ASAP2: variants seen among roughly 807,000 people sequenced by gnomAD.
The protein encoded by ASAP2 is ArfGAP with SH3 domain, ankyrin repeat and PH domain 2.
ASAP2 carries 45 observed loss-of-function variants against 131.4 expected under a neutral mutation model. That is an observed-to-expected ratio of 0.34 (90% confidence interval 0.27 to 0.44). The LOEUF (loss-of-function observed/expected upper bound fraction) is 0.44, where lower values mean the gene tolerates loss of function less well. Among genes scored for constraint, ASAP2 ranks in the 20% least tolerant of loss-of-function variants. The probability of loss-of-function intolerance (pLI) is 1.00; values close to 1 mark genes in which losing one functional copy is unlikely to be tolerated. For missense variants in ASAP2, 1,011 were observed against 1,297.0 expected, an observed-to-expected ratio of 0.78 and a Z score of 3.39; for synonymous variants, 510 against 503.0, an observed-to-expected ratio of 1.01 and a Z score of -0.19.
At chr2:9,256,040 C>A (rs929159271) in intron 1 of ASAP2, among the ~76,000 whole-genome samples, 1 of 151,670 alleles carries the variant, frequency 6.6e-6, no homozygotes, top group African/African-American at 2.4e-5. Flanking sequence ...ATGAAGGAAC[C>A]TGTGTAGACT....
chr2:9,403,814 T>C lies in ASAP2; in HGVS notation c.*487T>C. 1 of 155,260 alleles carries C rather than the reference T, an allele frequency of 6.4e-6. No individual in the cohort carries two copies. The highest frequency in any genetic ancestry group is 6.4e-5 in the Admixed American group (1 of 15,716). 9.6% of individuals were successfully genotyped at this position (155,260 alleles called of 1,614,324 possible). On this transcript the variant is annotated 3_prime_UTR_variant, in exon 28 of 28. Transcript: ENST00000281419. ...GTTCACCTTTAAAGACACACATTCC[T>C]TTGAAATCCACCCAGTGTTTAAAAA... is the stretch of plus-strand genomic sequence containing the variant.
intron 16 of ASAP2, among the ~76,000 whole-genome samples, chr2:9,370,744 C>T (rs73150905): frequency 0.012 from 1,884 of 152,248 alleles, 30 homozygotes; most frequent in African/African-American, 0.035. Flanking sequence ...CACATCTGTA[C>T]CCTGCATTGA....
Position 9,344,643 on chromosome 2 carries a change from AG to A in ASAP2, c.953+13del. ...CTACAAGAAGAGTGACGGGTACGTG[AG>A]GGGGTGTGGCTAGAGTTTAAATGTA... On this transcript the variant is annotated intron_variant, in intron 10 of 27. Coordinates refer to ENST00000281419, the MANE Select transcript of ASAP2 (RefSeq NM_003887.3). 1 of 1,613,766 alleles carries A rather than the reference AG, an allele frequency of 6.2e-7. No homozygotes were observed. The highest frequency in any genetic ancestry group is 8.5e-7 in the Non-Finnish European group (1 of 1,179,696).
chr2:9,355,512 G>A (rs1348241008), intron 12 of ASAP2, among the ~76,000 whole-genome samples: 1 of 152,194 alleles, frequency 6.6e-6, no homozygotes, highest in Non-Finnish European at 1.5e-5. Context: ...TTGTAAAACT[G>A]TGCTGACACC....
In ASAP2 at chr2:9,217,683, C is replaced by T. The variant is rs537625128; in HGVS notation, c.126+10453C>T. ...AGGCTGGAGTGCGGTGGCACAATCT[C>T]GGCTCACTGCAAGCTCCGCCTCCTG... On this transcript the variant is annotated intron_variant, in intron 1 of 27. Coordinates refer to ENST00000281419, the MANE Select transcript of ASAP2 (RefSeq NM_003887.3). The surrounding 1 kb of genome is among the most constrained non-coding windows in gnomAD (Gnocchi z 4.0). Among the ~76,000 whole-genome samples the T allele has an allele frequency of 1.6e-3, 250 of 151,638 alleles. 1 individual carries two copies. The highest frequency in any genetic ancestry group is 3.0e-3 in the Non-Finnish European group (207 of 67,940).
chr2:9,312,340 C>T (rs1401006621), intron 3 of ASAP2, among the ~76,000 whole-genome samples: 1 of 152,208 alleles, frequency 6.6e-6, no homozygotes, highest in Non-Finnish European at 1.5e-5. Flanking sequence ...CCCTCATTGA[C>T]CTGGCACCAG....
At chr2:9,362,375 A>C (rs776812693) in intron 15 of ASAP2, among the ~76,000 whole-genome samples, 17 of 152,182 alleles carry the variant, frequency 1.1e-4, no homozygotes, top group Admixed American at 2.0e-4. Context: ...TCAGGGTGAC[A>C]TGCTGTGACA....
At chr2:9,377,098 TC>T (rs1481430658) in intron 18 of ASAP2, 105 bp downstream of exon 18, 2 of 986,694 alleles carry the variant, frequency 2.0e-6, no homozygotes, top group East Asian at 4.9e-5. Context: ...AGGAGAACCT[TC>T]CCAGTTCTAA....
intron 1 of ASAP2, among the ~76,000 whole-genome samples, chr2:9,277,868 G>A (rs553457714): frequency 1.3e-5 from 2 of 152,244 alleles, no homozygotes; most frequent in Admixed American, 6.5e-5. Flanking sequence ...ATTTAAAATT[G>A]CCAGCACTAA....
intron 20 of ASAP2, among the ~76,000 whole-genome samples, chr2:9,384,971 C>G (rs1209765174): frequency 6.6e-6 from 1 of 152,202 alleles, no homozygotes; most frequent in African/African-American, 2.4e-5. Context: ...ATGTTATAAC[C>G]GAAGACTGTA....
At chr2:9,321,109 G>T (rs749513034) in intron 5 of ASAP2, among the ~76,000 whole-genome samples, 19 of 152,096 alleles carry the variant, frequency 1.2e-4, no homozygotes, top group Non-Finnish European at 2.6e-4. Context: ...GTCTTGGAGT[G>T]CTCTGAATGG....
chr2:9,332,302 TC>T (rs1670897409), intron 7 of ASAP2, among the ~76,000 whole-genome samples: 1 of 152,048 alleles, frequency 6.6e-6, no homozygotes, highest in Non-Finnish European at 1.5e-5. Flanking sequence ...GGAATAGTGT[TC>T]CTTTTCTTGA....
intron 2 of ASAP2, among the ~76,000 whole-genome samples, chr2:9,294,215 TC>T (rs1304807358): frequency 9.9e-5 from 15 of 152,036 alleles, no homozygotes; most frequent in African/African-American, 3.4e-4. Context: ...GCCAGGCTGG[TC>T]TCAAACTCCA....
chr2:9,372,046 G>A (rs1207784504), intron 16 of ASAP2, among the ~76,000 whole-genome samples: 5 of 152,288 alleles, frequency 3.3e-5, no homozygotes, highest in South Asian at 4.1e-4. Flanking sequence ...AGCTGCCTTC[G>A]GGGCCTCCAA....
At chr2:9,259,409 T>C (rs2148189366) in intron 1 of ASAP2, among the ~76,000 whole-genome samples, 1 of 152,312 alleles carries the variant, frequency 6.6e-6, no homozygotes, top group South Asian at 2.1e-4. Context: ...CCCCGCTTCC[T>C]GCGCCCTGCT....
Position 9,379,066 on chromosome 2 carries a change from G to T in ASAP2, c.1948+7G>T, listed in dbSNP as rs2148732125. On this transcript the variant is annotated splice_region_variant and intron_variant, in intron 19 of 27. Transcript: ENST00000281419. ...AAGGCCTCCATCGAGATAGGTGAGT[G>T]GGCCCGGGCCCCGGGGGTGGGCTCA... 6.6e-7 allele frequency: 1 copy of T among 1,519,748 alleles called. No homozygotes were observed. The allele number at this position is 1,519,748 out of a possible 1,614,324, so 94.1% of individuals were successfully genotyped here.
chr2:9,383,275 T>A (rs76444524), intron 20 of ASAP2, among the ~76,000 whole-genome samples: 6,506 of 151,818 alleles, frequency 0.043, 401 homozygotes, highest in African/African-American at 0.13. Flanking sequence ...ACAATTTTTT[T>A]AAAAAAAGAC....
intron 25 of ASAP2, 43 bp from the exon 26 acceptor site, chr2:9,400,699 T>C (rs766268011): frequency 1.3e-6 from 2 of 1,514,950 alleles, no homozygotes; most frequent in South Asian, 2.2e-5. Flanking sequence ...CTCATGGCTG[T>C]GATTGATGGG....
rs1337639930 is a variant in ASAP2 at position 9,246,546 on chromosome 2, C to G, written c.127-32771C>G. Among the ~76,000 whole-genome samples, 17 of 152,272 alleles carry G rather than the reference C, an allele frequency of 1.1e-4. No individual in the cohort carries two copies. In the East Asian group the frequency reaches 3.3e-3, roughly 29 times the overall value. ...GGCTCAAACAATCAGCCTTGGCCTC[C>G]CATGCCAGGATTACAGGCATGAGCC... On this transcript the variant is annotated intron_variant, in intron 1 of 27. Transcript: ENST00000281419.
Sources: gnomAD v4.1 joint callset for allele counts (sites outside exome capture counted in the v4.1 genomes callset) on GRCh38, gnomAD v4.1.1 for gene constraint, Gnocchi (gnomAD v3.1) non-coding constraint, MANE v1.5 for transcripts, NCBI Gene and HGNC (gene_info 2026-07-23, HGNC 2026-07-21) for gene names.